NOL4L: variants seen among roughly 807,000 people sequenced by gnomAD.
NOL4L encodes nucleolar protein 4-like.
Under a neutral mutation model 64.5 loss-of-function variants are expected in NOL4L, and 7 were observed. The observed-to-expected ratio is 0.11, with a 90% CI of 0.06 to 0.20. NOL4L has a LOEUF of 0.20. Among genes scored for constraint, NOL4L ranks in the 10% least tolerant of loss-of-function variants. The pLI, the probability that NOL4L is intolerant of heterozygous loss-of-function variation, is 1.00. For missense variants in NOL4L, 680 were observed against 967.1 expected (o/e 0.70, Z 3.94); for synonymous variants, 413 against 401.0 (o/e 1.03, Z -0.36).
Position 32,460,979 on chromosome 20 carries a change from C to G in NOL4L, c.842-4584G>C, listed in dbSNP as rs983122809. Among the ~76,000 whole-genome samples, 1 of 152,248 alleles carries G rather than the reference C, an allele frequency of 6.6e-6. No homozygotes were observed. The highest frequency in any genetic ancestry group is 2.4e-5 in the African/African-American group (1 of 41,474). On this transcript the variant is annotated intron_variant, in intron 5 of 10. Coordinates refer to ENST00000621426, the MANE Select transcript of NOL4L (RefSeq NM_001256798.2). This position sits in a 1 kb window ranked among gnomAD's most constrained non-coding sequence, Gnocchi z 5.7. Reference sequence around the variant, plus strand: ...ACCACCTCAGGGAAGCCCTCCCTACCTGCCCCGATCTCCATCGTGGCACCG... The same window carrying G: ...ACCACCTCAGGGAAGCCCTCCCTACGTGCCCCGATCTCCATCGTGGCACCG...
At chr20:32,486,262 C>A (rs2016082342) in intron 4 of NOL4L, among the ~76,000 whole-genome samples, 1 of 152,226 alleles carries the variant, frequency 6.6e-6, no homozygotes, top group African/African-American at 2.4e-5. Context: ...AAAGTGGCCA[C>A]AGCATGAGTC....
At chr20:32,513,955 T>C (rs1390646018) in intron 3 of NOL4L, among the ~76,000 whole-genome samples, 1 of 152,168 alleles carries the variant, frequency 6.6e-6, no homozygotes, top group East Asian at 1.9e-4. Context: ...GCGGTGAAGT[T>C]ACCCAAAGAG....
chr20:32,512,010 C>G (rs1985539651), intron 3 of NOL4L, among the ~76,000 whole-genome samples: 2 of 152,044 alleles, frequency 1.3e-5, no homozygotes, highest in Non-Finnish European at 2.9e-5. Flanking sequence ...GAGAATCTAT[C>G]TCTAAAAAAC....
chr20:32,474,592 G>A lies in NOL4L; in HGVS notation c.841+9C>T. ...AGCCCCTCCTCAACTGCCACCAAGGGGCACTCACCGTCCTCTTGACTGTGG... is the reference window on the plus strand; with the variant it reads ...AGCCCCTCCTCAACTGCCACCAAGGAGCACTCACCGTCCTCTTGACTGTGG... On this transcript the variant is annotated intron_variant, in intron 5 of 10. Coordinates refer to ENST00000621426, the MANE Select transcript of NOL4L (RefSeq NM_001256798.2). 1 of 1,606,070 alleles carries A rather than the reference G, an allele frequency of 6.2e-7. No individual in the cohort carries two copies. Among genetic ancestry groups the A allele is most frequent in the Non-Finnish European group, 8.5e-7 (1 of 1,175,778 alleles).
chr20:32,453,376 C>G lies in NOL4L; in HGVS notation c.1425G>C (p.Gln475His). 1 of 1,614,118 alleles carries G rather than the reference C, an allele frequency of 6.2e-7. No individual in the cohort carries two copies. Among genetic ancestry groups the G allele is most frequent in the Non-Finnish European group, 8.5e-7 (1 of 1,180,014 alleles). Residue 475 changes from glutamine (Q) to histidine (H), a missense_variant, in exon 8 of 11, where the codon CAG becomes CAC. Gln to His is a conservative substitution (Grantham distance 24). This residue lies in a region of NOL4L where 70 missense variants were observed against 166.1 expected (regional missense o/e 0.42). Transcript: ENST00000621426. This position sits in a 1 kb window ranked among gnomAD's most constrained non-coding sequence, Gnocchi z 5.6. ...TGCGGATGCGCTTGCGGGCCCGCTC[C>G]TGGAACTCAGGGAACTGCCGGCTGC... The part of the protein sequence containing the change: ...ESCSRQFPEF[Q>H]ERARKRIRTY...
At chr20:32,457,039 G>A (rs1407062495) in intron 5 of NOL4L, among the ~76,000 whole-genome samples, 2 of 152,350 alleles carry the variant, frequency 1.3e-5, no homozygotes, top group African/African-American at 2.4e-5. Flanking sequence ...GTGCAAAGCC[G>A]GGGCTGCAAG....
At chr20:32,457,794 G>T (rs1482122007) in intron 5 of NOL4L, among the ~76,000 whole-genome samples, 2 of 152,122 alleles carry the variant, frequency 1.3e-5, no homozygotes, top group African/African-American at 4.8e-5. Context: ...CTCAAAGCCC[G>T]CCCATAGCTG....
intron 1 of NOL4L, among the ~76,000 whole-genome samples, chr20:32,567,876 TCACCAC>T (rs540385898): frequency 6.6e-6 from 1 of 151,544 alleles, no homozygotes; most frequent in African/African-American, 2.4e-5. Flanking sequence ...ACCATTGTCA[TCACCAC>T]CACCACCACC....
At chr20:32,560,410 C>T (rs919004367) in intron 1 of NOL4L, among the ~76,000 whole-genome samples, 4 of 152,208 alleles carry the variant, frequency 2.6e-5, no homozygotes, top group Non-Finnish European at 4.4e-5. Flanking sequence ...TAAGGTCATA[C>T]GGTTCAAAGT....
At chr20:32,497,985 C>T (rs188921983) in intron 4 of NOL4L, among the ~76,000 whole-genome samples, 7 of 152,346 alleles carry the variant, frequency 4.6e-5, no homozygotes, top group East Asian at 3.9e-4. Flanking sequence ...CAGTAAATTA[C>T]GAGTGCTTCC....
At position 32,531,367 on chromosome 20, in the gene NOL4L, C is replaced by CT. The variant is rs531522420; in HGVS notation, c.322-3455dup. On this transcript the variant is annotated intron_variant, in intron 1 of 10. Coordinates refer to ENST00000621426, the MANE Select transcript of NOL4L (RefSeq NM_001256798.2). ...TAGGTGGGTTACTTTATTTCTATAC[C>CT]TTTTTTTTTTTTCTTTTTTTTGAAA... Among the ~76,000 whole-genome samples, 978 of 146,956 alleles carry CT rather than the reference C, an allele frequency of 6.7e-3. 14 individuals are homozygous for CT. The highest frequency in any genetic ancestry group is 0.022 in the African/African-American group (863 of 40,120).
At chr20:32,451,491 C>T (rs963117719) in intron 10 of NOL4L, 1 of 152,322 alleles carries the variant, frequency 6.6e-6, no homozygotes. Flanking sequence ...GTGCTCACGG[C>T]AGCACCTGAC....
chr20:32,574,658 G>A (rs1441886442), intron 1 of NOL4L, among the ~76,000 whole-genome samples: 1 of 152,112 alleles, frequency 6.6e-6, no homozygotes, highest in African/African-American at 2.4e-5. Flanking sequence ...CCGAGAAAAC[G>A]ATGAGTCATC....
Position 32,537,427 on chromosome 20 carries a change from A to G in NOL4L, c.322-9514T>C, listed in dbSNP as rs149487818. 4.2e-3 allele frequency among the ~76,000 whole-genome samples: 636 copies of G among 152,340 alleles called. 3 individuals are homozygous for G. The highest frequency in any genetic ancestry group is 0.014 in the Middle Eastern group (4 of 294). ...CGTCGCGGTGCACCTACTGTGTGCC[A>G]AGCACTCACGGCCTCGTTTCACTTT... On this transcript the variant is annotated intron_variant, in intron 1 of 10. Transcript: ENST00000621426.
intron 2 of NOL4L, among the ~76,000 whole-genome samples, chr20:32,527,200 T>A (rs1449314422): frequency 5.9e-5 from 9 of 152,044 alleles, no homozygotes; most frequent in Admixed American, 5.9e-4. Context: ...TTCTCATGTA[T>A]CTTGTTTTTG....
chr20:32,551,743 G>A (rs1221828253), intron 1 of NOL4L, among the ~76,000 whole-genome samples: 2 of 151,994 alleles, frequency 1.3e-5, no homozygotes, highest in African/African-American at 4.8e-5. Flanking sequence ...TTGTGGCAAT[G>A]GTTGCACATC....
At chr20:32,563,341 C>T (rs977000658) in intron 1 of NOL4L, among the ~76,000 whole-genome samples, 3 of 150,120 alleles carry the variant, frequency 2.0e-5, no homozygotes, top group Admixed American at 1.3e-4. Flanking sequence ...AGGGAGCGAG[C>T]CTCACCTTTA....
chr20:32,454,136 C>G lies in NOL4L; in HGVS notation c.1120-375G>C. 2 of 210,568 alleles carry G rather than the reference C, an allele frequency of 9.5e-6. 1 individual carries two copies. Among genetic ancestry groups the G allele is most frequent in the Non-Finnish European group, 2.0e-5 (2 of 102,424 alleles). The allele number at this position is 210,568 out of a possible 1,614,324, so 13.0% of individuals were successfully genotyped here. On this transcript the variant is annotated intron_variant, in intron 6 of 10. Transcript: ENST00000621426. ...ACATGGAAAGGACTCCCACCACCCG[C>G]CAGCCTCCTCTCGTGCCAAGATATA...
chr20:32,561,076 GA>G (rs1978987984), intron 1 of NOL4L: 1 of 152,352 alleles, frequency 6.6e-6, no homozygotes, highest in Admixed American at 6.5e-5. Flanking sequence ...CAGTTGCCTG[GA>G]AACAGGCTGC....
Sources: allele counts gnomAD v4.1 joint callset (sites outside exome capture counted in the v4.1 genomes callset), GRCh38; gene constraint gnomAD v4.1.1; regional missense constraint gnomAD v4.1.1; non-coding constraint Gnocchi (gnomAD v3.1); transcripts MANE v1.5; gene names NCBI Gene and HGNC (gene_info 2026-07-23, HGNC 2026-07-21).